The following STIMATE variants were observed in gnomAD, a reference collection of about 807,000 sequenced individuals.
STIMATE encodes the protein STIM activating enhancer.
A neutral mutation model predicts 36.7 loss-of-function variants in STIMATE; 15 were observed. The ratio of observed to expected loss-of-function variants is 0.41; its 90% CI spans 0.27 to 0.63. The LOEUF is 0.63. STIMATE is among the 20% of genes least tolerant of loss of function. The pLI is 0.32. For missense variants in STIMATE, 305 were observed against 397.3 expected (o/e 0.77, Z 1.98); for synonymous variants, 163 against 162.3 (o/e 1.00, Z -0.03).
At chr3:52,843,274 C>T (rs1700834930) in intron 6 of STIMATE, 1 of 426,550 alleles carries the variant, frequency 2.3e-6, no homozygotes. Flanking sequence ...CCCCTCCCCA[C>T]AGACTCCATG....
intron 3 of STIMATE, among the ~76,000 whole-genome samples, chr3:52,851,453 A>T (rs962850352): frequency 1.3e-5 from 2 of 152,238 alleles, no homozygotes; most frequent in African/African-American, 4.8e-5. Flanking sequence ...AGCTTTGGTG[A>T]TGTGCACACA....
At chr3:52,855,976 C>CA (rs1701085312) in intron 1 of STIMATE, among the ~76,000 whole-genome samples, 1 of 152,304 alleles carries the variant, frequency 6.6e-6, no homozygotes. Context: ...GGAAGGATGG[C>CA]CAACCCCACA....
chr3:52,888,716 G>C (rs1455022520), intron 1 of STIMATE, among the ~76,000 whole-genome samples: 1 of 152,188 alleles, frequency 6.6e-6, no homozygotes, highest in African/African-American at 2.4e-5. Flanking sequence ...ACAAAAGCTT[G>C]GCAGAGGAAG....
At chr3:52,870,620 G>T (rs987930778) in intron 1 of STIMATE, among the ~76,000 whole-genome samples, 1 of 152,082 alleles carries the variant, frequency 6.6e-6, no homozygotes, top group Non-Finnish European at 1.5e-5. Context: ...GACTCCACGC[G>T]AAGTGAATGC....
At chr3:52,857,073 G>A (rs1396962328) in intron 1 of STIMATE, among the ~76,000 whole-genome samples, 1 of 152,216 alleles carries the variant, frequency 6.6e-6, no homozygotes, top group Non-Finnish European at 1.5e-5. Context: ...CTGCCAGCGA[G>A]GGTGCAGGAG....
At chr3:52,884,832 C>T (rs2106724972) in intron 1 of STIMATE, among the ~76,000 whole-genome samples, 1 of 152,320 alleles carries the variant, frequency 6.6e-6, no homozygotes, top group South Asian at 2.1e-4. Flanking sequence ...AACATTTGAA[C>T]TGTTCCTAGT....
chr3:52,878,607 T>C (rs1701547935), intron 1 of STIMATE, among the ~76,000 whole-genome samples: 1 of 152,238 alleles, frequency 6.6e-6, no homozygotes, highest in Non-Finnish European at 1.5e-5. Flanking sequence ...CCTGGTCCCT[T>C]TGGATGACAA....
chr3:52,867,462 T>G (rs951871817), intron 1 of STIMATE, among the ~76,000 whole-genome samples: 1 of 152,208 alleles, frequency 6.6e-6, no homozygotes, highest in Non-Finnish European at 1.5e-5. Flanking sequence ...AGCCATGAGC[T>G]CATACGCCAT....
At chr3:52,873,197 C>T (rs1035542490) in intron 1 of STIMATE, among the ~76,000 whole-genome samples, 2 of 152,206 alleles carry the variant, frequency 1.3e-5, no homozygotes, top group African/African-American at 4.8e-5. Context: ...CTGCTTCCCC[C>T]AGGAGCAGGG....
intron 1 of STIMATE, among the ~76,000 whole-genome samples, chr3:52,870,647 C>A (rs184328818): frequency 1.3e-5 from 2 of 152,298 alleles, no homozygotes; most frequent in Admixed American, 6.5e-5. Flanking sequence ...TCCTGCTGCG[C>A]GGGCAGGGTG....
At chr3:52,897,235 G>C in intron 1 of STIMATE, 56 bp downstream of exon 1, 1 of 1,516,742 alleles carries the variant, frequency 6.6e-7, no homozygotes. Context: ...CCCCAGGGGG[G>C]CCGGGCCGCG....
At chr3:52,867,812 T>C (rs1049958788) in intron 1 of STIMATE, among the ~76,000 whole-genome samples, 6 of 152,140 alleles carry the variant, frequency 3.9e-5, no homozygotes, top group Admixed American at 6.5e-5. Context: ...TGGAAAATGG[T>C]AGGGGAATTG....
Position 52,839,846 on chromosome 3 carries a change from G to A in STIMATE, c.*648C>T, listed in dbSNP as rs1489910589. 1 of 152,584 alleles carries A rather than the reference G, an allele frequency of 6.6e-6. No homozygotes were observed. Among genetic ancestry groups the A allele is most frequent in the Non-Finnish European group, 1.5e-5 (1 of 68,020 alleles). 9.5% of individuals were successfully genotyped at this position (152,584 alleles called of 1,614,324 possible). On this transcript the variant is annotated 3_prime_UTR_variant, in exon 8 of 8. Coordinates refer to ENST00000355083, the MANE Select transcript of STIMATE (RefSeq NM_198563.5). ...AAAGAGTTTTTAAATACAATAGTAT[G>A]AAAATATAACTTAAAAATATAAAAG...
In STIMATE at chr3:52,844,932, A is replaced by G; in HGVS notation, c.437T>C (p.Leu146Pro). 1 of 1,613,842 alleles carries G rather than the reference A, an allele frequency of 6.2e-7. No homozygotes were observed. The highest frequency in any genetic ancestry group is 8.5e-7 in the Non-Finnish European group (1 of 1,179,876). Reference sequence around the variant, plus strand: ...CTGCCCGACCCAGGCTCCACACTGCAGAGGGTCTCCTGCAGGGACAGGCGG... The same window carrying G: ...CTGCCCGACCCAGGCTCCACACTGCGGAGGGTCTCCTGCAGGGACAGGCGG... The part of the protein sequence containing the change: ...SLRFGEYGDP[L>P]QCGAWVGQCA... The change falls in exon 5 of 8, where the codon CTG becomes CCG. Residue 146 changes from leucine (L) to proline (P), a missense_variant. Transcript: ENST00000355083.
At chr3:52,852,141 G>A in intron 3 of STIMATE, among the ~76,000 whole-genome samples, 1 of 152,192 alleles carries the variant, frequency 6.6e-6, no homozygotes, top group Middle Eastern at 3.2e-3. Flanking sequence ...GATTGCTCTG[G>A]GGGCTGCATG....
intron 1 of STIMATE, among the ~76,000 whole-genome samples, chr3:52,862,985 G>C (rs1262203977): frequency 6.6e-6 from 1 of 152,060 alleles, no homozygotes; most frequent in African/African-American, 2.4e-5. Flanking sequence ...GAAGCTGAAA[G>C]AGGCAAAAAA....
chr3:52,857,068 A>G (rs1701112437), intron 1 of STIMATE, among the ~76,000 whole-genome samples: 1 of 152,362 alleles, frequency 6.6e-6, no homozygotes, highest in Non-Finnish European at 1.5e-5. Context: ...CTGAGCTGCC[A>G]GCGAGGGTGC....
chr3:52,890,033 C>A (rs892214910), intron 1 of STIMATE, among the ~76,000 whole-genome samples: 3 of 152,184 alleles, frequency 2.0e-5, no homozygotes, highest in African/African-American at 7.2e-5. Flanking sequence ...CTTACCACCC[C>A]CTCCATGTCG....
At chr3:52,862,479 A>G (rs765912435) in intron 1 of STIMATE, among the ~76,000 whole-genome samples, 3 of 152,254 alleles carry the variant, frequency 2.0e-5, no homozygotes, top group Non-Finnish European at 4.4e-5. Context: ...TATGCTGTGT[A>G]CCATCTAACT....
Sources: allele counts gnomAD v4.1 joint callset (sites outside exome capture counted in the v4.1 genomes callset), GRCh38; gene constraint gnomAD v4.1.1; transcripts MANE v1.5; gene names NCBI Gene and HGNC (gene_info 2026-07-23, HGNC 2026-07-21).